Variants in KALRN observed in about 807,000 individuals in gnomAD.
KALRN encodes kalirin RhoGEF kinase, also known as kalirin.
A neutral mutation model predicts 353.7 loss-of-function variants in KALRN; 70 were observed. That is an observed-to-expected ratio of 0.20 (90% confidence interval 0.16 to 0.24). KALRN has a LOEUF of 0.24. Ranked by LOEUF, KALRN falls within the 10% of genes least tolerant of loss-of-function variation. The pLI, the probability that KALRN is intolerant of heterozygous loss-of-function variation, is 1.00. For missense variants in KALRN, 2,791 were observed against 3,756.7 expected, an observed-to-expected ratio of 0.74 and a Z score of 6.72; for synonymous variants, 1,391 against 1,434.8, an observed-to-expected ratio of 0.97 and a Z score of 0.69.
In KALRN at chr3:124,269,161, C is replaced by G. The variant is rs771777430; in HGVS notation, c.875C>G (p.Ser292Cys). ...ACCAGTCTCCTGGACAAGCTGCACT[C>G]CACCCGGCAGCACCTGCACCAGATG... is the stretch of plus-strand genomic sequence containing the variant. The part of the protein sequence containing the change: ...KITSLLDKLH[S>C]TRQHLHQMWH... The change falls in exon 5 of 60, where the codon TCC becomes TGC. Residue 292 changes from serine (S) to cysteine (C), a missense_variant. Transcript: ENST00000682506. The G allele has an allele frequency of 1.6e-5, 26 of 1,612,932 alleles. No homozygotes were observed. Among genetic ancestry groups the G allele is most frequent in the Non-Finnish European group, 2.0e-5 (24 of 1,179,600 alleles).
chr3:124,612,007 C>T (rs2078032896), intron 34 of KALRN, among the ~76,000 whole-genome samples: 1 of 152,126 alleles, frequency 6.6e-6, no homozygotes, highest in Admixed American at 6.5e-5. Context: ...CCCTCTCTAG[C>T]CCATTAGTCA....
chr3:124,362,901 G>A (rs1361735426), intron 10 of KALRN, among the ~76,000 whole-genome samples: 1 of 152,156 alleles, frequency 6.6e-6, no homozygotes, highest in Non-Finnish European at 1.5e-5. Context: ...AAAAAATACA[G>A]CTAAGAGAAT....
chr3:124,697,428 C>T lies in KALRN; in HGVS notation c.7700-165C>T, dbSNP rs1291775330. On this transcript the variant is annotated intron_variant, in intron 54 of 59. Coordinates refer to ENST00000682506, the MANE Select transcript of KALRN (RefSeq NM_001388419.1). ...GAACTTCAGACAGCATGGTGTGTCTCCCACATCTGCCTTGGGCCTGGAGAA... is the reference window on the plus strand; with the variant it reads ...GAACTTCAGACAGCATGGTGTGTCTTCCACATCTGCCTTGGGCCTGGAGAA... 2.0e-5 allele frequency among the ~76,000 whole-genome samples: 3 copies of T among 152,292 alleles called. No homozygotes were observed. The East Asian group carries it at 5.8e-4, about 29-fold the overall frequency.
chr3:124,115,767 G>A (rs1327039063), intron 1 of KALRN, among the ~76,000 whole-genome samples: 1 of 152,076 alleles, frequency 6.6e-6, no homozygotes, highest in Non-Finnish European at 1.5e-5. Context: ...ATAAATGAAT[G>A]GTCAGTTGTC....
chr3:124,417,524 T>C (rs2092573546), intron 14 of KALRN, among the ~76,000 whole-genome samples: 1 of 152,226 alleles, frequency 6.6e-6, no homozygotes, highest in Admixed American at 6.5e-5. Context: ...AAATGAGAAA[T>C]CTCTGGAGTT....
At chr3:124,364,518 A>T (rs9824927) in intron 10 of KALRN, among the ~76,000 whole-genome samples, 3 of 152,174 alleles carry the variant, frequency 2.0e-5, no homozygotes, top group Non-Finnish European at 4.4e-5. Flanking sequence ...GGAAGTGGGA[A>T]GAACATGTTC....
At chr3:124,240,975 A>G (rs1222734344) in intron 3 of KALRN, among the ~76,000 whole-genome samples, 1 of 152,170 alleles carries the variant, frequency 6.6e-6, no homozygotes, top group African/African-American at 2.4e-5. Flanking sequence ...AAAAATATAT[A>G]TGAACATACA....
intron 4 of KALRN, among the ~76,000 whole-genome samples, chr3:124,265,759 A>G (rs1188656168): frequency 6.6e-6 from 1 of 152,234 alleles, no homozygotes; most frequent in African/African-American, 2.4e-5. Flanking sequence ...TATATAGTGC[A>G]TATACATACA....
chr3:124,230,257 G>A (rs2078999540), intron 2 of KALRN, among the ~76,000 whole-genome samples: 1 of 152,230 alleles, frequency 6.6e-6, no homozygotes, highest in African/African-American at 2.4e-5. Flanking sequence ...TTTCTCTTGT[G>A]CCTGACACTT....
chr3:124,227,685 T>G lies in KALRN; in HGVS notation c.74-305T>G, dbSNP rs1266574693. On this transcript the variant is annotated intron_variant, in intron 1 of 59. Transcript: ENST00000682506. ...GCTGTTTTTTTTTTTTTTTTTTTTT[T>G]TTTTTTTTTTTTTTTTTTTTGCCCC... is the stretch of plus-strand genomic sequence containing the variant. 2.7e-4 allele frequency among the ~76,000 whole-genome samples: 35 copies of G among 129,234 alleles called. 1 individual carries two copies. Among genetic ancestry groups the G allele is most frequent in the African/African-American group, 9.1e-4 (31 of 34,108 alleles). The allele number at this position is 129,234 out of a possible 152,430, so 84.8% of individuals were successfully genotyped here. A position where few individuals can be genotyped will look rare whatever the true frequency, so the allele number is the denominator to read the frequency against.
chr3:124,718,266 G>T (rs909875603), intron 59 of KALRN, among the ~76,000 whole-genome samples: 1 of 151,676 alleles, frequency 6.6e-6, no homozygotes, highest in East Asian at 1.9e-4. Context: ...GATTACAGGC[G>T]CCCACCACCA....
At position 124,080,129 on chromosome 3, in the gene KALRN, C is replaced by T. The variant is rs779835352; in HGVS notation, c.73+46316C>T. On this transcript the variant is annotated intron_variant, in intron 1 of 59. Coordinates refer to ENST00000682506, the MANE Select transcript of KALRN (RefSeq NM_001388419.1). ...CTAGTACTTGCAGGCTGTCTGAACA[C>T]GAAACTTCTAACACCTTCTGTATAG... is the stretch of plus-strand genomic sequence containing the variant. The T allele has an allele frequency of 1.9e-5, 9 of 468,572 alleles. No individual in the cohort carries two copies. The East Asian group carries it at 2.1e-4, about 11-fold the overall frequency. 29.0% of individuals were successfully genotyped at this position (468,572 alleles called of 1,614,324 possible). A position where few individuals can be genotyped will look rare whatever the true frequency, so the allele number is the denominator to read the frequency against.
At chr3:124,270,861 G>A (rs772963486) in intron 5 of KALRN, among the ~76,000 whole-genome samples, 10 of 129,524 alleles carry the variant, frequency 7.7e-5, no homozygotes, top group Non-Finnish European at 9.4e-5. Flanking sequence ...ACGGAGTCTC[G>A]CTCTGTCGCC....
chr3:124,084,435 G>A (rs568081458), intron 1 of KALRN, among the ~76,000 whole-genome samples: 1 of 152,320 alleles, frequency 6.6e-6, no homozygotes, highest in Non-Finnish European at 1.5e-5. Context: ...GATCCAGCAC[G>A]GAGGGGTATC....
chr3:124,224,293 GC>G (rs1407644956), intron 1 of KALRN, among the ~76,000 whole-genome samples: 1 of 150,294 alleles, frequency 6.7e-6, no homozygotes, highest in Non-Finnish European at 1.5e-5. Flanking sequence ...TAGTCTTTTG[GC>G]TTCCCTGGGC....
chr3:124,196,228 T>A (rs1400037436), intron 1 of KALRN, among the ~76,000 whole-genome samples: 1 of 151,970 alleles, frequency 6.6e-6, no homozygotes, highest in East Asian at 1.9e-4. Context: ...GCAGGTGGGG[T>A]CTTTTTCAGG....
intron 34 of KALRN, among the ~76,000 whole-genome samples, chr3:124,569,434 C>A (rs1431560970): frequency 6.6e-6 from 1 of 152,224 alleles, no homozygotes; most frequent in Non-Finnish European, 1.5e-5. Context: ...AAGTGTGTCA[C>A]CAACTCACAA....
At position 124,269,234 on chromosome 3, in the gene KALRN, C is replaced by G; in HGVS notation, c.948C>G (p.Leu316=). ...TGGACCAGTGCTTTCAGCTGCGGCT[C>G]TTCGAGCAGGATGCTGAGAAGGTAG... ...LKLDQCFQLR[L]FEQDAEKMFD... The change falls in exon 5 of 60, where the codon CTC becomes CTG. Residue 316 remains leucine, a synonymous_variant. Coordinates refer to ENST00000682506, the MANE Select transcript of KALRN (RefSeq NM_001388419.1). 1 of 1,599,314 alleles carries G rather than the reference C, an allele frequency of 6.3e-7. No homozygotes were observed. Among genetic ancestry groups the G allele is most frequent in the South Asian group, 1.1e-5 (1 of 90,546 alleles).
At chr3:124,677,433 G>A (rs922093395) in intron 49 of KALRN, 2 of 351,138 alleles carry the variant, frequency 5.7e-6, no homozygotes, top group African/African-American at 2.2e-5. Context: ...AAGAAGTTAG[G>A]ATGAAAGGCC....
Sources: allele counts gnomAD v4.1 joint callset (sites outside exome capture counted in the v4.1 genomes callset), GRCh38; gene constraint gnomAD v4.1.1; transcripts MANE v1.5; gene names NCBI Gene and HGNC (gene_info 2026-07-23, HGNC 2026-07-21).